CNTN5: variants seen among roughly 807,000 people sequenced by gnomAD.
The protein encoded by CNTN5 is contactin-5.
A neutral mutation model predicts 129.1 loss-of-function variants in CNTN5; 77 were observed. The observed-to-expected ratio is 0.60, with a 90% CI of 0.50 to 0.72. CNTN5 has a LOEUF of 0.72. CNTN5 is among the 30% of genes least tolerant of loss of function. CNTN5 has a pLI of 0.00. For synonymous variants in CNTN5, 509 were observed against 465.6 expected, an observed-to-expected ratio of 1.09 and a Z score of -1.20; for missense variants, 1,478 against 1,328.8, an observed-to-expected ratio of 1.11 and a Z score of -1.75.
At chr11:100,063,300 CA>C in intron 10 of CNTN5, among the ~76,000 whole-genome samples, 1 of 151,650 alleles carries the variant, frequency 6.6e-6, no homozygotes, top group East Asian at 1.9e-4. Flanking sequence ...GCTACTTAAA[CA>C]ATCTGGGGTG....
At chr11:99,994,281 A>G (rs35451452) in intron 8 of CNTN5, among the ~76,000 whole-genome samples, 57,347 of 151,940 alleles carry the variant, frequency 0.38, 12,325 homozygotes, top group African/African-American at 0.59. Flanking sequence ...GGTATTATTC[A>G]CAGGCAGATG....
intron 13 of CNTN5, among the ~76,000 whole-genome samples, chr11:100,190,037 T>C (rs1161364553): frequency 1.3e-5 from 2 of 152,248 alleles, no homozygotes; most frequent in Non-Finnish European, 2.9e-5. Flanking sequence ...TAAATAACCA[T>C]GAGCTCCAGT....
chr11:99,197,784 C>A (rs1209388750), intron 1 of CNTN5, among the ~76,000 whole-genome samples: 1 of 152,022 alleles, frequency 6.6e-6, no homozygotes. Flanking sequence ...TACCATTTAA[C>A]TATTGGATAA....
intron 3 of CNTN5, among the ~76,000 whole-genome samples, chr11:99,722,479 T>C (rs1943205590): frequency 6.6e-6 from 1 of 152,002 alleles, no homozygotes; most frequent in Non-Finnish European, 1.5e-5. Flanking sequence ...GTCTACTTCT[T>C]GGGGAGGGTG....
At chr11:99,229,668 A>T (rs1479846504) in intron 1 of CNTN5, among the ~76,000 whole-genome samples, 1 of 152,108 alleles carries the variant, frequency 6.6e-6, no homozygotes, top group East Asian at 1.9e-4. Flanking sequence ...AGAGGAAATC[A>T]CAAAAGCTTG....
intron 4 of CNTN5, among the ~76,000 whole-genome samples, chr11:99,837,824 T>C (rs982372555): frequency 6.6e-6 from 1 of 152,120 alleles, no homozygotes; most frequent in Non-Finnish European, 1.5e-5. Flanking sequence ...TAAAATTATT[T>C]AAGGTCAGTT....
chr11:100,148,669 A>G (rs1233508244), intron 13 of CNTN5, among the ~76,000 whole-genome samples: 2 of 152,052 alleles, frequency 1.3e-5, no homozygotes, highest in East Asian at 1.9e-4. Context: ...CGGGCCAACA[A>G]ATAACAGGAC....
chr11:99,904,491 A>G (rs1157706924), intron 6 of CNTN5, among the ~76,000 whole-genome samples: 2 of 148,588 alleles, frequency 1.3e-5, no homozygotes, highest in Admixed American at 1.3e-4. Context: ...TTACGGCTGC[A>G]TAGTATTCCA....
At chr11:100,199,796 A>G (rs188700560) in intron 15 of CNTN5, among the ~76,000 whole-genome samples, 4 of 152,050 alleles carry the variant, frequency 2.6e-5, no homozygotes, top group African/African-American at 9.6e-5. Flanking sequence ...ATAATATTTC[A>G]TGTATTGATG....
chr11:99,620,206 G>A (rs1348454365), intron 3 of CNTN5, among the ~76,000 whole-genome samples: 1 of 152,020 alleles, frequency 6.6e-6, no homozygotes, highest in East Asian at 1.9e-4. Flanking sequence ...CCACTTTTCA[G>A]CGTTAAGCTT....
At chr11:99,269,390 A>G (rs1244204938) in intron 1 of CNTN5, among the ~76,000 whole-genome samples, 3 of 151,814 alleles carry the variant, frequency 2.0e-5, no homozygotes, top group Non-Finnish European at 4.4e-5. Flanking sequence ...CAAACTAATA[A>G]TATAAAGATT....
At chr11:99,848,961 A>G (rs182707035) in intron 6 of CNTN5, among the ~76,000 whole-genome samples, 4 of 152,200 alleles carry the variant, frequency 2.6e-5, no homozygotes, top group African/African-American at 9.6e-5. Flanking sequence ...ATACTTTCTA[A>G]ATCTTCACCT....
chr11:99,736,014 TC>T (rs1026237813), intron 3 of CNTN5, among the ~76,000 whole-genome samples: 10 of 147,174 alleles, frequency 6.8e-5, no homozygotes, highest in Non-Finnish European at 1.2e-4. Flanking sequence ...TTTTTCTTTC[TC>T]TTTTTTTTCT....
At chr11:99,776,589 C>G (rs1275215554) in intron 3 of CNTN5, among the ~76,000 whole-genome samples, 1 of 151,672 alleles carries the variant, frequency 6.6e-6, no homozygotes, top group African/African-American at 2.4e-5. Flanking sequence ...CTTTCTCCGT[C>G]TCTGTGGCCC....
chr11:99,364,467 G>A (rs1939321532), intron 2 of CNTN5, among the ~76,000 whole-genome samples: 1 of 151,972 alleles, frequency 6.6e-6, no homozygotes, highest in Admixed American at 6.6e-5. Flanking sequence ...GGTAACTCCA[G>A]GCTCTTATCT....
chr11:100,056,953 A>C (rs2137779675), intron 9 of CNTN5, among the ~76,000 whole-genome samples: 1 of 151,822 alleles, frequency 6.6e-6, no homozygotes, highest in South Asian at 2.1e-4. Flanking sequence ...TCATAAATAA[A>C]ATATACTTTT....
At chr11:99,080,035 C>T (rs1321163750) in intron 1 of CNTN5, among the ~76,000 whole-genome samples, 1 of 152,112 alleles carries the variant, frequency 6.6e-6, no homozygotes, top group Non-Finnish European at 1.5e-5. Flanking sequence ...AAGCCTAACA[C>T]ATTATAGATA....
At chr11:100,044,335 G>C (rs916414425) in intron 9 of CNTN5, among the ~76,000 whole-genome samples, 1 of 151,938 alleles carries the variant, frequency 6.6e-6, no homozygotes. Context: ...TTTCCTGTAG[G>C]TAGATACCCA....
At chr11:99,764,271 A>G (rs1430993941) in intron 3 of CNTN5, among the ~76,000 whole-genome samples, 1 of 152,042 alleles carries the variant, frequency 6.6e-6, no homozygotes, top group Non-Finnish European at 1.5e-5. Context: ...ACAAATTTGA[A>G]AAGACTGAGG....
Sources: gnomAD v4.1 joint callset for allele counts (sites outside exome capture counted in the v4.1 genomes callset) on GRCh38, gnomAD v4.1.1 for gene constraint, MANE v1.5 for transcripts, NCBI Gene and HGNC (gene_info 2026-07-23, HGNC 2026-07-21) for gene names.